TRAP1: variants seen among roughly 807,000 people sequenced by gnomAD.
TRAP1 encodes the protein heat shock protein 75 kDa, mitochondrial.
Under a neutral mutation model 89.1 loss-of-function variants are expected in TRAP1, and 102 were observed. That is an observed-to-expected ratio of 1.15 (90% confidence interval 0.98 to 1.35). The LOEUF is 1.35. Ranked by LOEUF, TRAP1 falls within the 40% of genes most tolerant of loss-of-function variation. The pLI is 0.00. For missense variants in TRAP1, 1,256 were observed against 945.3 expected (o/e 1.33, Z -4.31); for synonymous variants, 508 against 388.0 (o/e 1.31, Z -3.64).
intron 1 of TRAP1, among the ~76,000 whole-genome samples, chr16:3,708,530 G>C (rs1030498185): frequency 7.9e-5 from 12 of 152,074 alleles, no homozygotes; most frequent in African/African-American, 2.9e-4. Context: ...CCAGCTACTA[G>C]GGAGGCTGAG....
chr16:3,685,745 T>C (rs919253080), intron 4 of TRAP1, among the ~76,000 whole-genome samples: 4 of 152,238 alleles, frequency 2.6e-5, no homozygotes, highest in Non-Finnish European at 5.9e-5. Flanking sequence ...TGTGTGGCCA[T>C]ATGCTAAGAT....
At position 3,664,384 on chromosome 16, in the gene TRAP1, C is replaced by T. The variant is rs368889500; in HGVS notation, c.1459G>A (p.Ala487Thr). 24 of 1,611,898 alleles carry T rather than the reference C, an allele frequency of 1.5e-5. No individual in the cohort carries two copies. Among genetic ancestry groups the T allele is most frequent in the African/African-American group, 2.7e-5 (2 of 74,888 alleles). Residue 487 changes from alanine (A) to threonine (T), a missense_variant, in exon 13 of 18, where the codon GCC (alanine) becomes ACC (threonine). Coordinates refer to ENST00000246957, the MANE Select transcript of TRAP1 (RefSeq NM_016292.3). Reference sequence around the variant, plus strand: ...CGGGTGCCGGCCCGCATGCGGCTGGCGTATTCTGAGAGGCTGGTTAGCTGC... The same window carrying T: ...CGGGTGCCGGCCCGCATGCGGCTGGTGTATTCTGAGAGGCTGGTTAGCTGC... ...SGQLTSLSEY[A>T]SRMRAGTRNI...
chr16:3,672,830 A>T lies in TRAP1; in HGVS notation c.1045-10T>A, dbSNP rs762853199. ...CAAACATGGACGGTTTCTGGGGGTG[A>T]GGAGAACACGCCATCATGCAGCACT... On this transcript the variant is annotated splice_polypyrimidine_tract_variant and intron_variant, in intron 9 of 17. Transcript: ENST00000246957. The T allele has an allele frequency of 1.2e-5, 19 of 1,610,900 alleles. No individual in the cohort carries two copies. Among genetic ancestry groups the T allele is most frequent in the Admixed American group, 5.0e-5 (3 of 59,740 alleles).
At position 3,662,870 on chromosome 16, in the gene TRAP1, G is replaced by C. The variant is rs776827486; in HGVS notation, c.1794+12C>G. On this transcript the variant is annotated intron_variant, in intron 15 of 17. Transcript: ENST00000246957. ...GCGGCCAAGTGGTGGTCCATCCCCG[G>C]GAAAGCCTCACCTTCACGTTGGTGA... The C allele has an allele frequency of 2.5e-6, 4 of 1,613,330 alleles. No homozygotes were observed. In the East Asian group the frequency reaches 8.9e-5, roughly 36 times the overall value.
intron 1 of TRAP1, among the ~76,000 whole-genome samples, chr16:3,706,596 A>C (rs1276093659): frequency 6.6e-6 from 1 of 150,864 alleles, no homozygotes; most frequent in Admixed American, 6.6e-5. Flanking sequence ...AATGGCTGGG[A>C]CCACAGGCAT....
chr16:3,716,149 G>A (rs551251574), intron 1 of TRAP1, among the ~76,000 whole-genome samples: 3 of 152,254 alleles, frequency 2.0e-5, no homozygotes, highest in South Asian at 4.1e-4. Context: ...CACCGCGCCC[G>A]GCCACAAGGT....
chr16:3,682,422 C>T (rs1330747149), intron 4 of TRAP1, among the ~76,000 whole-genome samples: 3 of 151,544 alleles, frequency 2.0e-5, no homozygotes, highest in East Asian at 1.9e-4. Flanking sequence ...CGCTCTGTCA[C>T]GCAGGCTAGA....
At chr16:3,714,456 C>T (rs913547866) in intron 1 of TRAP1, among the ~76,000 whole-genome samples, 2 of 152,098 alleles carry the variant, frequency 1.3e-5, no homozygotes, top group African/African-American at 2.4e-5. Flanking sequence ...GTCAGGAGTT[C>T]GAGACCACCC....
intron 5 of TRAP1, among the ~76,000 whole-genome samples, chr16:3,678,943 G>A (rs2051037324): frequency 6.6e-6 from 1 of 152,184 alleles, no homozygotes; most frequent in Admixed American, 6.5e-5. Flanking sequence ...AGGGTCAGAG[G>A]GATCAGTCCC....
At position 3,662,880 on chromosome 16, in the gene TRAP1, A is replaced by G; in HGVS notation, c.1794+2T>C. On this transcript the variant is annotated splice_donor_variant, in intron 15 of 17. Coordinates refer to ENST00000246957, the MANE Select transcript of TRAP1 (RefSeq NM_016292.3). LOFTEE classifies it high-confidence loss of function. ...GGTGGTCCATCCCCGGGAAAGCCTC[A>G]CCTTCACGTTGGTGACACGCGACCC... 6.2e-7 allele frequency: 1 copy of G among 1,613,436 alleles called. No homozygotes were observed. The highest frequency in any genetic ancestry group is 1.1e-5 in the South Asian group (1 of 91,076).
At chr16:3,668,541 A>C (rs1567227200) in intron 11 of TRAP1, among the ~76,000 whole-genome samples, 1 of 152,196 alleles carries the variant, frequency 6.6e-6, no homozygotes, top group Non-Finnish European at 1.5e-5. Context: ...GATTCGAGGA[A>C]AAACATGTTC....
At chr16:3,683,444 G>A (rs1354149119) in intron 4 of TRAP1, among the ~76,000 whole-genome samples, 1 of 147,884 alleles carries the variant, frequency 6.8e-6, no homozygotes, top group Non-Finnish European at 1.5e-5. Context: ...AGAGTGCAAT[G>A]GCGCGATCTC....
intron 11 of TRAP1, among the ~76,000 whole-genome samples, chr16:3,667,361 T>G (rs537100620): frequency 2.4e-4 from 37 of 152,196 alleles, no homozygotes; most frequent in Admixed American, 5.2e-4. Context: ...TGGTGGCTCC[T>G]GCCTGTAATC....
At chr16:3,671,100 G>C (rs1166398096) in intron 11 of TRAP1, among the ~76,000 whole-genome samples, 1 of 152,150 alleles carries the variant, frequency 6.6e-6, no homozygotes. Flanking sequence ...CATGCTGCAC[G>C]TGGTGGGCTC....
chr16:3,684,022 C>T (rs557212405), intron 4 of TRAP1, among the ~76,000 whole-genome samples: 15 of 151,518 alleles, frequency 9.9e-5, no homozygotes, highest in Non-Finnish European at 2.2e-4. Flanking sequence ...AAAAATTAGC[C>T]GGGTGTGGTG....
intron 4 of TRAP1, among the ~76,000 whole-genome samples, chr16:3,685,636 G>A (rs576923799): frequency 5.8e-4 from 89 of 152,240 alleles, no homozygotes; most frequent in Non-Finnish European, 7.1e-4. Context: ...GCACTGCTTC[G>A]TCGGCATTTT....
intron 11 of TRAP1, among the ~76,000 whole-genome samples, chr16:3,669,979 C>T (rs909957247): frequency 3.3e-5 from 5 of 152,020 alleles, no homozygotes; most frequent in Non-Finnish European, 5.9e-5. Flanking sequence ...CCTGTGATGT[C>T]CCATGATGTA....
rs748790554 is a variant in TRAP1, at chr16:3,658,204, A to G, written c.2040T>C (p.Ala680=). ...DQIYENAMIA[A]GLVDDPRAMV... ...TGGCCCTAGGGTCGTCAACAAGTCCAGCAGCAATCATGGCGTTCTCGTATA... is the reference window on the plus strand; with the variant it reads ...TGGCCCTAGGGTCGTCAACAAGTCCGGCAGCAATCATGGCGTTCTCGTATA... Residue 680 remains alanine (A), a synonymous_variant, in exon 18 of 18, where the codon GCT becomes GCC. Coordinates refer to ENST00000246957, the MANE Select transcript of TRAP1 (RefSeq NM_016292.3). 38 of 1,613,896 alleles carry G rather than the reference A, an allele frequency of 2.4e-5. No individual in the cohort carries two copies. The Admixed American group carries it at 5.8e-4, about 25-fold the overall frequency.
intron 17 of TRAP1, 166 bp downstream of exon 17, chr16:3,658,627 C>T (rs150401264): frequency 2.0e-5 from 13 of 660,634 alleles, no homozygotes; most frequent in South Asian, 3.9e-5. Context: ...GAGCCAAGAT[C>T]GCGCCACTGC....
Sources: gnomAD v4.1 joint callset for allele counts (sites outside exome capture counted in the v4.1 genomes callset) on GRCh38, gnomAD v4.1.1 for gene constraint, MANE v1.5 for transcripts, NCBI Gene and HGNC (gene_info 2026-07-23, HGNC 2026-07-21) for gene names.